IL1RN: variants seen among roughly 807,000 people sequenced by gnomAD.
IL1RN encodes the protein interleukin 1 receptor antagonist.
A neutral mutation model predicts 13.7 loss-of-function variants in IL1RN; 10 were observed. The ratio of observed to expected loss-of-function variants is 0.73; its 90% CI spans 0.45 to 1.24. IL1RN has a LOEUF of 1.24. Ranked by LOEUF, IL1RN falls within the 50% of genes most tolerant of loss-of-function variation. The pLI, the probability that IL1RN is intolerant of heterozygous loss-of-function variation, is 0.00. For missense variants in IL1RN, 213 were observed against 222.1 expected (o/e 0.96, Z 0.26); for synonymous variants, 102 against 82.7 (o/e 1.23, Z -1.27).
intron 1 of IL1RN, among the ~76,000 whole-genome samples, chr2:113,118,480 G>C (rs1276780722): frequency 7.0e-5 from 1 of 14,258 alleles, no homozygotes; most frequent in African/African-American, 7.5e-5. Flanking sequence ...GAGAATTAAG[G>C]GCTTGGCACA....
At chr2:113,099,766 G>A in the IL1RN span, among the ~76,000 whole-genome samples, 5 of 85,764 alleles carry the variant, frequency 5.8e-5, no homozygotes, top group Admixed American at 1.8e-4. Context: ...ACGGAGTCTC[G>A]CTCTGTCGCC....
chr2:113,100,325 C>CAAAA, the IL1RN span, among the ~76,000 whole-genome samples: 2 of 78,626 alleles, frequency 2.5e-5, no homozygotes, highest in Non-Finnish European at 5.0e-5. Context: ...GACTCCGTCT[C>CAAAA]AAAAAAAAAA....
upstream of IL1RN, among the ~76,000 whole-genome samples, chr2:113,105,010 A>C (rs1686366335): frequency 2.0e-5 from 3 of 152,222 alleles, no homozygotes; most frequent in Admixed American, 6.5e-5. Flanking sequence ...AGTGATGTAG[A>C]TATAAAAACA....
chr2:113,117,317 T>A (rs1686617660), upstream of IL1RN, among the ~76,000 whole-genome samples: 1 of 152,174 alleles, frequency 6.6e-6, no homozygotes, highest in Non-Finnish European at 1.5e-5. Flanking sequence ...CCCTTGCTGT[T>A]CCCTCCACCT....
chr2:113,112,029 TGCCAATGTTGCAA>T (rs1299359396), intron 1 of IL1RN, among the ~76,000 whole-genome samples: 9 of 152,244 alleles, frequency 5.9e-5, no homozygotes, highest in Non-Finnish European at 1.3e-4. Context: ...AGCCTCCTTT[TGCCAATGTTGCAA>T]TCCTTTGTAA....
the IL1RN span, among the ~76,000 whole-genome samples, chr2:113,101,263 G>A: frequency 7.2e-5 from 11 of 152,202 alleles, no homozygotes; most frequent in African/African-American, 2.7e-4. Flanking sequence ...GGGGTGAGGA[G>A]TAGGGGTTAG....
the IL1RN span, among the ~76,000 whole-genome samples, chr2:113,100,968 A>G: frequency 6.6e-6 from 1 of 152,246 alleles, no homozygotes; most frequent in Non-Finnish European, 1.5e-5. Flanking sequence ...TTTCTTATAT[A>G]CATGGGAGAC....
At chr2:113,129,522 C>A in intron 1 of IL1RN, 54 bp from the exon 2 acceptor site, 1 of 1,134,066 alleles carries the variant, frequency 8.8e-7, no homozygotes, top group Non-Finnish European at 1.3e-6. Context: ...GTGCCAAGCA[C>A]AAGGCTGGGC....
At chr2:113,116,032 A>C (rs1047559032), upstream of IL1RN, among the ~76,000 whole-genome samples, 1 of 152,176 alleles carries the variant, frequency 6.6e-6, no homozygotes, top group Non-Finnish European at 1.5e-5. Context: ...CATGCCAAGC[A>C]CTTTACAGTT....
At chr2:113,106,240 A>G (rs1387274331), upstream of IL1RN, among the ~76,000 whole-genome samples, 3 of 152,222 alleles carry the variant, frequency 2.0e-5, no homozygotes, top group Admixed American at 1.3e-4. Context: ...TCTTTCTTAG[A>G]GGCTAAACAA....
At chr2:113,119,340 A>G (rs777204450) in intron 1 of IL1RN, among the ~76,000 whole-genome samples, 3 of 152,244 alleles carry the variant, frequency 2.0e-5, no homozygotes, top group Non-Finnish European at 4.4e-5. Flanking sequence ...GAGGAAATGG[A>G]TATAGAGAGA....
chr2:113,128,520 G>A (rs761419971), intron 1 of IL1RN, among the ~76,000 whole-genome samples: 38 of 152,200 alleles, frequency 2.5e-4, no homozygotes, highest in Non-Finnish European at 4.4e-4. Flanking sequence ...CAGATATGGG[G>A]ACTGTCTGCT....
intron 3 of IL1RN, among the ~76,000 whole-genome samples, chr2:113,131,542 C>CT (rs1395634461): frequency 1.9e-4 from 29 of 151,834 alleles, no homozygotes; most frequent in African/African-American, 6.8e-4. Context: ...GTCTAGCCCC[C>CT]TGTGAGAGGA....
upstream of IL1RN, chr2:113,117,789 C>T: frequency 3.3e-6 from 2 of 604,356 alleles, no homozygotes; most frequent in Non-Finnish European, 5.9e-6. Flanking sequence ...GGCATCAAGT[C>T]AGCCATCAGC....
chr2:113,110,410 A>T (rs890013596), upstream of IL1RN, among the ~76,000 whole-genome samples: 1 of 152,196 alleles, frequency 6.6e-6, no homozygotes, highest in Non-Finnish European at 1.5e-5. Context: ...GATCAATCAC[A>T]TCAGGTTCTT....
At chr2:113,117,843 G>A, upstream of IL1RN, 1 of 701,706 alleles carries the variant, frequency 1.4e-6, no homozygotes. Context: ...GAGTGTGTGG[G>A]AGGGGAGGCT....
upstream of IL1RN, among the ~76,000 whole-genome samples, chr2:113,108,444 G>A (rs947662618): frequency 6.9e-6 from 1 of 144,674 alleles, no homozygotes; most frequent in African/African-American, 2.7e-5. Flanking sequence ...AGTGTGCGAT[G>A]TTCCCCTTCC....
chr2:113,124,342 C>T (rs145396231), upstream of IL1RN, among the ~76,000 whole-genome samples: 462 of 152,228 alleles, frequency 3.0e-3, 3 homozygotes, highest in Middle Eastern at 0.017. Flanking sequence ...TGAGATAAGA[C>T]GAAACCAAGA....
upstream of IL1RN, among the ~76,000 whole-genome samples, chr2:113,116,511 T>C (rs984998866): frequency 2.0e-5 from 3 of 151,714 alleles, no homozygotes; most frequent in African/African-American, 7.3e-5. Flanking sequence ...GGTGGGGGGC[T>C]TTCCTGTGGC....
Sources: gnomAD v4.1 joint callset for allele counts (sites outside exome capture counted in the v4.1 genomes callset) on GRCh38, gnomAD v4.1.1 for gene constraint, MANE v1.5 for transcripts, NCBI Gene and HGNC (gene_info 2026-07-23, HGNC 2026-07-21) for gene names.